IL1RAPL2: variants seen among roughly 807,000 people sequenced by gnomAD.
The protein encoded by IL1RAPL2 is interleukin 1 receptor accessory protein like 2.
Under a neutral mutation model 44.1 loss-of-function variants are expected in IL1RAPL2, and 3 were observed. That is an observed-to-expected ratio of 0.07 (90% CI 0.03 to 0.18). The LOEUF is 0.18. Among genes scored for constraint, IL1RAPL2 ranks in the 10% least tolerant of loss-of-function variants. The pLI, the probability that IL1RAPL2 is intolerant of heterozygous loss-of-function variation, is 1.00. For synonymous variants in IL1RAPL2, 181 were observed against 178.8 expected, an observed-to-expected ratio of 1.01 and a Z score of -0.10; for missense variants, 391 against 496.4, an observed-to-expected ratio of 0.79 and a Z score of 2.02.
At chrX:104,918,061 A>G (rs975877098) in intron 2 of IL1RAPL2, among the ~76,000 whole-genome samples, 1 of 112,426 alleles carries the variant, frequency 8.9e-6, no homozygotes, top group African/African-American at 3.2e-5. Flanking sequence ...TTAAAAGTCC[A>G]ATAATTAGGA....
chrX:105,406,463 G>A, intron 5 of IL1RAPL2: 1 of 1,195,982 alleles, frequency 8.4e-7, no homozygotes, highest in South Asian at 1.8e-5. Context: ...ACCACCGGAG[G>A]ATCATTCACC....
intron 5 of IL1RAPL2, among the ~76,000 whole-genome samples, chrX:105,318,004 G>C (rs1281779720): frequency 9.8e-6 from 1 of 102,199 alleles, no homozygotes; most frequent in Non-Finnish European, 2.0e-5. Context: ...ACGAAGTCTC[G>C]CTCTGTCGCC....
At chrX:104,642,161 C>T (rs1254003142) in intron 1 of IL1RAPL2, among the ~76,000 whole-genome samples, 1 of 111,928 alleles carries the variant, frequency 8.9e-6, no homozygotes, top group Non-Finnish European at 1.9e-5. Flanking sequence ...CTACTTCTCT[C>T]CCTCTCCTTT....
At position 104,709,932 on chromosome X, in the gene IL1RAPL2, G is replaced by A. The variant is rs747387675; in HGVS notation, c.82+50937G>A. ...ATCATGGAAATGGAAATTAAAAAAAGCAGTGAGGTACCATTTCACATCTAT... is the reference window on the plus strand; with the variant it reads ...ATCATGGAAATGGAAATTAAAAAAAACAGTGAGGTACCATTTCACATCTAT... On this transcript the variant is annotated intron_variant, in intron 2 of 10. Coordinates refer to ENST00000372582, the MANE Select transcript of IL1RAPL2 (RefSeq NM_017416.2). 1.6e-4 allele frequency among the ~76,000 whole-genome samples: 18 copies of A among 110,700 alleles called. No individual in the cohort carries two copies. The South Asian group carries it at 6.0e-3, about 37-fold the overall frequency.
chrX:104,574,075 T>C (rs921516764), intron 1 of IL1RAPL2, among the ~76,000 whole-genome samples: 5 of 111,870 alleles, frequency 4.5e-5, no homozygotes, highest in African/African-American at 1.3e-4. Flanking sequence ...TTTTATGATA[T>C]GTTTATAGTC....
At chrX:105,376,776 A>T (rs1267913862) in intron 5 of IL1RAPL2, among the ~76,000 whole-genome samples, 2 of 111,930 alleles carry the variant, frequency 1.8e-5, no homozygotes, top group African/African-American at 3.2e-5. Flanking sequence ...CTTTTTAATG[A>T]TATCAACCTA....
At chrX:105,277,617 A>G (rs1345526369) in intron 5 of IL1RAPL2, among the ~76,000 whole-genome samples, 1 of 111,661 alleles carries the variant, frequency 9.0e-6, no homozygotes, top group Non-Finnish European at 1.9e-5. Flanking sequence ...AAGACCAAAA[A>G]TGCTTCTCTT....
At chrX:104,677,519 T>A (rs1434203218) in intron 2 of IL1RAPL2, among the ~76,000 whole-genome samples, 1 of 111,604 alleles carries the variant, frequency 9.0e-6, no homozygotes, top group East Asian at 2.8e-4. Flanking sequence ...ACAGGGACAT[T>A]TAAGTCTGCA....
In IL1RAPL2 at chrX:104,858,955, C is replaced by T. The variant is rs368478515; in HGVS notation, c.82+199960C>T. Among the ~76,000 whole-genome samples the T allele has an allele frequency of 7.2e-5, 8 of 111,740 alleles. 1 individual carries two copies. Among genetic ancestry groups the T allele is most frequent in the East Asian group, 2.8e-4 (1 of 3,549 alleles). On this transcript the variant is annotated intron_variant, in intron 2 of 10. Coordinates refer to ENST00000372582, the MANE Select transcript of IL1RAPL2 (RefSeq NM_017416.2). ...TGCAAGTAAGATCAGATATTAATCT[C>T]TTTCCCATATTGCTGAGACTCTGAA...
chrX:105,365,346 T>C (rs1232086737), intron 5 of IL1RAPL2, among the ~76,000 whole-genome samples: 1 of 111,799 alleles, frequency 8.9e-6, no homozygotes, highest in Admixed American at 9.6e-5. Context: ...ATTAGGAATA[T>C]TGGCCTGTAG....
intron 2 of IL1RAPL2, among the ~76,000 whole-genome samples, chrX:104,942,774 G>C (rs1221230286): frequency 9.0e-6 from 1 of 111,507 alleles, no homozygotes; most frequent in East Asian, 2.8e-4. Flanking sequence ...TCTTGTGGCA[G>C]TTTTCAAAGG....
chrX:105,121,610 A>G (rs186549809), intron 2 of IL1RAPL2, among the ~76,000 whole-genome samples: 25 of 112,071 alleles, frequency 2.2e-4, no homozygotes, highest in Middle Eastern at 4.6e-3. Context: ...TATTTTCTGA[A>G]TAAACTTTTT....
intron 5 of IL1RAPL2, among the ~76,000 whole-genome samples, chrX:105,392,651 T>C (rs1183568827): frequency 3.6e-5 from 4 of 112,006 alleles, no homozygotes; most frequent in African/African-American, 1.3e-4. Context: ...TTATTCTCTG[T>C]AGTCCTAATA....
At chrX:104,753,506 C>T (rs1932296191) in intron 2 of IL1RAPL2, among the ~76,000 whole-genome samples, 1 of 111,156 alleles carries the variant, frequency 9.0e-6, no homozygotes, top group African/African-American at 3.3e-5. Flanking sequence ...TTTCTTTGGT[C>T]CTCACACCTC....
intron 2 of IL1RAPL2, among the ~76,000 whole-genome samples, chrX:104,816,057 G>A (rs924897520): frequency 2.7e-5 from 3 of 110,853 alleles, no homozygotes; most frequent in African/African-American, 9.8e-5. Flanking sequence ...CAATTCCCTA[G>A]AACCTCTTTA....
In IL1RAPL2 at chrX:105,677,159, GT is replaced by G. The variant is rs769289865; in HGVS notation, c.773-40205del. Among the ~76,000 whole-genome samples, 3 of 111,577 alleles carry G rather than the reference GT, an allele frequency of 2.7e-5. No individual in the cohort carries two copies. The Admixed American group carries it at 2.9e-4, about 11-fold the overall frequency. On this transcript the variant is annotated intron_variant, in intron 6 of 10. Coordinates refer to ENST00000372582, the MANE Select transcript of IL1RAPL2 (RefSeq NM_017416.2). ...TAATTTAGTTTAGTTTTGTCTTCCTGTTTCCAGCTGTGTGTTGAAGATATTT... is the reference window on the plus strand; with the variant it reads ...TAATTTAGTTTAGTTTTGTCTTCCTGTTCCAGCTGTGTGTTGAAGATATTT...
intron 6 of IL1RAPL2, among the ~76,000 whole-genome samples, chrX:105,686,911 T>C (rs1186657837): frequency 8.9e-6 from 1 of 111,958 alleles, no homozygotes; most frequent in Admixed American, 9.5e-5. Context: ...AACTCAAGAT[T>C]AAGAAACTCA....
chrX:104,604,236 C>T (rs750416265), intron 1 of IL1RAPL2, among the ~76,000 whole-genome samples: 1 of 111,616 alleles, frequency 9.0e-6, no homozygotes, highest in East Asian at 2.8e-4. Flanking sequence ...AAATAAAGTC[C>T]GTTACAGACA....
rs1182870707 is a variant in IL1RAPL2, at chrX:105,243,532, C to CATATATATATGTGTGTATAT, written c.543+9559_543+9578dup. ...CAGATATCCCTACAAATGGAGATTT[C>CATATATATATGTGTGTATAT]ATATATATATGTGTGTATATATATA... On this transcript the variant is annotated intron_variant, in intron 4 of 10. Transcript: ENST00000372582. Among the ~76,000 whole-genome samples the CATATATATATGTGTGTATAT allele has an allele frequency of 1.6e-4, 15 of 95,978 alleles. 1 individual carries two copies. The highest frequency in any genetic ancestry group is 2.2e-4 in the Non-Finnish European group (11 of 48,952). 83.3% of individuals were successfully genotyped at this position (95,978 alleles called of 115,157 possible). A position where few individuals can be genotyped will look rare whatever the true frequency, so the allele number is the denominator to read the frequency against.
Sources: allele counts gnomAD v4.1 joint callset (sites outside exome capture counted in the v4.1 genomes callset), GRCh38; gene constraint gnomAD v4.1.1; transcripts MANE v1.5; gene names NCBI Gene and HGNC (gene_info 2026-07-23, HGNC 2026-07-21).